The following TCF4 variants were observed in gnomAD, a reference collection of about 807,000 sequenced individuals.
TCF4 encodes transcription factor 4.
A neutral mutation model predicts 82.1 loss-of-function variants in TCF4; 3 were observed. That is an observed-to-expected ratio of 0.04 (90% confidence interval 0.02 to 0.09). The LOEUF is 0.09. Among genes scored for constraint, TCF4 ranks in the 10% least tolerant of loss-of-function variants. TCF4 has a pLI of 1.00. For synonymous variants in TCF4, 276 were observed against 309.6 expected, an observed-to-expected ratio of 0.89 and a Z score of 1.14; for missense variants, 518 against 852.7, an observed-to-expected ratio of 0.61 and a Z score of 4.89.
At chr18:55,423,808 G>T (rs577732976) in intron 5 of TCF4, among the ~76,000 whole-genome samples, 7,677 of 152,032 alleles carry the variant, frequency 0.05, 265 homozygotes, top group Non-Finnish European at 0.075. Context: ...CGCCCCTCTC[G>T]CCTGCCTACA....
chr18:55,230,953 T>C (rs967124833), intron 17 of TCF4: 3 of 152,282 alleles, frequency 2.0e-5, no homozygotes, highest in Non-Finnish European at 4.4e-5. Flanking sequence ...AGAAGGATGC[T>C]GTAAGACCAG....
chr18:55,394,623 T>A (rs2093379999), intron 6 of TCF4, among the ~76,000 whole-genome samples: 1 of 152,198 alleles, frequency 6.6e-6, no homozygotes, highest in Non-Finnish European at 1.5e-5. Flanking sequence ...ACAAGAAATG[T>A]CTGACAAAAA....
At chr18:55,521,126 T>G (rs777054129) in intron 3 of TCF4, among the ~76,000 whole-genome samples, 1 of 152,184 alleles carries the variant, frequency 6.6e-6, no homozygotes, top group African/African-American at 2.4e-5. Flanking sequence ...TTGGAAAGAC[T>G]GAAACAGCTG....
chr18:55,356,244 T>C (rs2083479533), intron 6 of TCF4, among the ~76,000 whole-genome samples: 1 of 152,112 alleles, frequency 6.6e-6, no homozygotes, highest in African/African-American at 2.4e-5. Context: ...TATTTTCAGA[T>C]TAAAAAGTAC....
intron 3 of TCF4, among the ~76,000 whole-genome samples, chr18:55,556,174 A>G (rs2097302389): frequency 6.6e-6 from 1 of 151,922 alleles, no homozygotes; most frequent in African/African-American, 2.4e-5. Flanking sequence ...TTCAAATTCC[A>G]CATTGTTTAT....
intron 8 of TCF4, among the ~76,000 whole-genome samples, chr18:55,325,000 AAC>A (rs1379471202): frequency 6.6e-6 from 1 of 152,234 alleles, no homozygotes; most frequent in African/African-American, 2.4e-5. Context: ...CAGAACTGAC[AAC>A]ACACACATAC....
chr18:55,589,765 A>C (rs1237462785), upstream of TCF4: 2 of 1,014,816 alleles, frequency 2.0e-6, no homozygotes, highest in Non-Finnish European at 2.4e-6. Flanking sequence ...TCCCTGAAAG[A>C]TACATTGTAA....
intron 15 of TCF4, among the ~76,000 whole-genome samples, chr18:55,252,718 C>T (rs978874922): frequency 2.2e-4 from 33 of 152,146 alleles, no homozygotes; most frequent in African/African-American, 7.5e-4. Flanking sequence ...ATCCGTTTAA[C>T]ATATGCAAAA....
intron 8 of TCF4, chr18:55,332,284 A>G (rs2077721536): frequency 6.6e-6 from 1 of 151,818 alleles, no homozygotes; most frequent in Non-Finnish European, 1.5e-5. Flanking sequence ...TGTCCTTTCC[A>G]ACACATTCCG....
intron 10 of TCF4, among the ~76,000 whole-genome samples, chr18:55,270,291 T>C (rs566729291): frequency 3.9e-5 from 6 of 152,088 alleles, no homozygotes; most frequent in South Asian, 2.1e-4. Flanking sequence ...ACTCTACTAT[T>C]AATTTTTTTG....
rs536445347 is a variant in TCF4, at chr18:55,414,443, T to G, written c.305-10925A>C. Among the ~76,000 whole-genome samples the G allele has an allele frequency of 5.3e-5, 8 of 152,298 alleles. No individual in the cohort carries two copies. The East Asian group carries it at 1.5e-3, about 29-fold the overall frequency. The stretch of plus-strand genomic sequence containing the variant: ...GCTTACAAATTAGAAAAATTTGCAA[T>G]GTAAGACAAAAGAACTATAAAAATC... On this transcript the variant is annotated intron_variant, in intron 5 of 19. Coordinates refer to ENST00000354452, the MANE Select transcript of TCF4 (RefSeq NM_001083962.2).
intron 6 of TCF4, among the ~76,000 whole-genome samples, chr18:55,370,997 G>A (rs1416827531): frequency 3.3e-5 from 5 of 152,222 alleles, no homozygotes; most frequent in Non-Finnish European, 5.9e-5. Flanking sequence ...GCATTGAATT[G>A]AGACATTTCA....
At chr18:55,420,228 C>A (rs775455966) in intron 5 of TCF4, among the ~76,000 whole-genome samples, 4 of 152,076 alleles carry the variant, frequency 2.6e-5, no homozygotes, top group Non-Finnish European at 4.4e-5. Context: ...AAGGAATACA[C>A]CAGGGGAGAA....
intron 5 of TCF4, among the ~76,000 whole-genome samples, chr18:55,423,918 T>C (rs765423164): frequency 1.5e-4 from 23 of 152,058 alleles, no homozygotes; most frequent in Non-Finnish European, 3.2e-4. Flanking sequence ...GAAGGGGGGA[T>C]GGGAGGGGAG....
Position 55,588,130 on chromosome 18 carries a change from G to C in TCF4, c.-113C>G, listed in dbSNP as rs866235198. Reference sequence around the variant, plus strand: ...GCCGCCACCGCCGCCGCCTGCTCCTGCGCCCGCTCCCGCGCCTGCTGCCTC... The same window carrying C: ...GCCGCCACCGCCGCCGCCTGCTCCTCCGCCCGCTCCCGCGCCTGCTGCCTC... On this transcript the variant is annotated 5_prime_UTR_variant, in exon 1 of 20. Coordinates refer to ENST00000354452, the MANE Select transcript of TCF4 (RefSeq NM_001083962.2). 7.0e-4 allele frequency: 740 copies of C among 1,057,242 alleles called. 12 individuals carry two copies. The South Asian group carries it at 0.028, about 40-fold the overall frequency. 65.5% of individuals were successfully genotyped at this position (1,057,242 alleles called of 1,614,324 possible). A position where few individuals can be genotyped will look rare whatever the true frequency, so the allele number is the denominator to read the frequency against.
At chr18:55,582,702 T>C (rs1057383790) in intron 3 of TCF4, among the ~76,000 whole-genome samples, 11 of 152,114 alleles carry the variant, frequency 7.2e-5, no homozygotes, top group Non-Finnish European at 1.5e-4. Context: ...TCAAAAGCTA[T>C]TGGGAACTTT....
intron 9 of TCF4, among the ~76,000 whole-genome samples, chr18:55,277,778 C>T (rs2146211861): frequency 6.6e-6 from 1 of 152,194 alleles, no homozygotes; most frequent in East Asian, 1.9e-4. Flanking sequence ...AAAATATATC[C>T]TTCCGTCAAT....
intron 3 of TCF4, among the ~76,000 whole-genome samples, chr18:55,577,224 A>G (rs965866466): frequency 2.1e-5 from 3 of 146,192 alleles, no homozygotes; most frequent in Non-Finnish European, 4.5e-5. Context: ...ATGTATATAT[A>G]CGTTTATATA....
Position 55,601,418 on chromosome 18 carries a change from C to G in TCF4, c.287-14282G>C, listed in dbSNP as rs147258169. ...GGAACTTAAAAGGTCTTTCTGTGCC[C>G]TTTCCCTGAGGCCCAACTGGACTTC... is the stretch of plus-strand genomic sequence containing the variant. On this transcript the variant is annotated intron_variant, in intron 2 of 20. Transcript: ENST00000398339. 4.7e-3 allele frequency among the ~76,000 whole-genome samples: 714 copies of G among 151,926 alleles called. 3 individuals carry two copies. Among genetic ancestry groups the G allele is most frequent in the Middle Eastern group, 0.01 (3 of 294 alleles).
Sources: gnomAD v4.1 joint callset for allele counts (sites outside exome capture counted in the v4.1 genomes callset) on GRCh38, gnomAD v4.1.1 for gene constraint, MANE v1.5 for transcripts, NCBI Gene and HGNC (gene_info 2026-07-23, HGNC 2026-07-21) for gene names.